Variants in PLA2G4E observed in about 807,000 individuals in gnomAD.
PLA2G4E encodes phospholipase A2 group IVE, also known as cytosolic phospholipase A2 epsilon.
In PLA2G4E, 84 loss-of-function variants were observed where a neutral mutation model predicts 109.1. That is an observed-to-expected ratio of 0.77 (90% confidence interval 0.65 to 0.92). The LOEUF (loss-of-function observed/expected upper bound fraction) is 0.92. PLA2G4E is among the 40% of genes least tolerant of loss of function. PLA2G4E has a pLI of 0.00. For missense variants in PLA2G4E, 1,057 were observed against 1,076.6 expected, an observed-to-expected ratio of 0.98 and a Z score of 0.25; for synonymous variants, 469 against 436.1, an observed-to-expected ratio of 1.08 and a Z score of -0.94.
intron 19 of PLA2G4E, among the ~76,000 whole-genome samples, chr15:41,984,204 G>A (rs2068103269): frequency 2.0e-5 from 3 of 152,174 alleles, no homozygotes; most frequent in Admixed American, 2.0e-4. Context: ...CACAGTACTG[G>A]GCACATGGCT....
exon 1 of PLA2G4E, chr15:42,050,587 C>T (rs1889489415): frequency 4.5e-6 from 7 of 1,550,466 alleles, no homozygotes; most frequent in South Asian, 1.2e-5. Context: ...CCTGTGTATC[C>T]TCGAACTCAC....
At chr15:42,029,724 T>C (rs1889080863) in intron 1 of PLA2G4E, among the ~76,000 whole-genome samples, 1 of 152,234 alleles carries the variant, frequency 6.6e-6, no homozygotes, top group Non-Finnish European at 1.5e-5. Flanking sequence ...AGCTTCTCCA[T>C]CTGTAAAGTG....
chr15:42,025,612 G>C (rs28436636), intron 1 of PLA2G4E, among the ~76,000 whole-genome samples: 19,902 of 152,186 alleles, frequency 0.13, 1,711 homozygotes, highest in South Asian at 0.2. Flanking sequence ...AAGTTTGGCA[G>C]TTCCAAGAGA....
exon 2 of PLA2G4E, chr15:42,013,700 G>T (rs933457406): frequency 6.4e-7 from 1 of 1,550,566 alleles, no homozygotes; most frequent in Non-Finnish European, 8.7e-7. Flanking sequence ...TCAGCCTGCC[G>T]GACATTTTTC....
chr15:41,998,059 C>T (rs1311289237), intron 10 of PLA2G4E: 1 of 152,264 alleles, frequency 6.6e-6, no homozygotes, highest in Non-Finnish European at 1.5e-5. Flanking sequence ...GGTCTTGGCA[C>T]AGGCCCCTGC....
chr15:42,011,503 C>G (rs549127979), intron 2 of PLA2G4E, among the ~76,000 whole-genome samples: 1 of 152,334 alleles, frequency 6.6e-6, no homozygotes, highest in South Asian at 2.1e-4. Flanking sequence ...CAGAGGATCA[C>G]TTGAGCCCAG....
chr15:42,019,059 G>A (rs747264589), intron 1 of PLA2G4E, among the ~76,000 whole-genome samples: 6 of 152,158 alleles, frequency 3.9e-5, no homozygotes, highest in South Asian at 2.1e-4. Context: ...GGAAGGCCGC[G>A]TTTAGAGAGA....
At chr15:42,035,273 A>G (rs1391039920) in intron 1 of PLA2G4E, among the ~76,000 whole-genome samples, 3 of 152,114 alleles carry the variant, frequency 2.0e-5, no homozygotes, top group Non-Finnish European at 4.4e-5. Context: ...ACACTGTCAT[A>G]TGTCTACCCA....
At chr15:41,994,418 G>A (rs911291077) in intron 12 of PLA2G4E, among the ~76,000 whole-genome samples, 18 of 152,252 alleles carry the variant, frequency 1.2e-4, no homozygotes, top group African/African-American at 4.3e-4. Flanking sequence ...AGGGACCTCA[G>A]GGCTCACAGG....
intron 1 of PLA2G4E, among the ~76,000 whole-genome samples, chr15:42,044,735 G>A (rs543028834): frequency 6.6e-6 from 1 of 151,838 alleles, no homozygotes; most frequent in East Asian, 1.9e-4. Context: ...GTATACATAT[G>A]TAACAAACCT....
At chr15:42,021,695 C>T (rs1032478696) in intron 1 of PLA2G4E, among the ~76,000 whole-genome samples, 9 of 152,192 alleles carry the variant, frequency 5.9e-5, no homozygotes, top group Admixed American at 1.3e-4. Flanking sequence ...AGGATGCACC[C>T]GCCCCGCCCA....
chr15:42,044,430 C>T (rs773217324), intron 1 of PLA2G4E, among the ~76,000 whole-genome samples: 9 of 151,858 alleles, frequency 5.9e-5, no homozygotes, highest in South Asian at 2.1e-4. Context: ...GTCTGGGGCA[C>T]GGTGAGGAAG....
chr15:41,987,467 G>A, intron 16 of PLA2G4E, 92 bp from the exon 17 acceptor site: 2 of 1,227,068 alleles, frequency 1.6e-6, no homozygotes, highest in Non-Finnish European at 2.3e-6. Flanking sequence ...TGGCACCCAG[G>A]GGTGAGCACT....
At chr15:42,021,653 T>C (rs2068649751) in intron 1 of PLA2G4E, among the ~76,000 whole-genome samples, 1 of 152,062 alleles carries the variant, frequency 6.6e-6, no homozygotes, top group East Asian at 1.9e-4. Flanking sequence ...AGAGGGCGTG[T>C]CCAGCCCCTG....
At chr15:42,026,858 A>G (rs1391809796) in intron 1 of PLA2G4E, among the ~76,000 whole-genome samples, 1 of 152,036 alleles carries the variant, frequency 6.6e-6, no homozygotes, top group Non-Finnish European at 1.5e-5. Context: ...CTAGAATCCC[A>G]GCTACTCAGG....
At chr15:42,005,032 G>GTGT in intron 4 of PLA2G4E, 54 bp from the exon 5 acceptor site, 1 of 1,599,592 alleles carries the variant, frequency 6.3e-7, no homozygotes, top group Non-Finnish European at 8.5e-7. Context: ...CATCTCTGCT[G>GTGT]ACCAGAACCC....
intron 1 of PLA2G4E, among the ~76,000 whole-genome samples, chr15:42,029,268 A>G (rs926875927): frequency 2.0e-5 from 3 of 151,604 alleles, no homozygotes; most frequent in Admixed American, 6.6e-5. Flanking sequence ...TAATTTTTGT[A>G]TTTTTTTTGT....
At chr15:42,013,597 ACG>A in intron 2 of PLA2G4E, 86 bp downstream of exon 2, 1 of 1,318,928 alleles carries the variant, frequency 7.6e-7, no homozygotes, top group Non-Finnish European at 1.1e-6. Flanking sequence ...ACACACACAC[ACG>A]GATCCACCTG....
chr15:42,000,068 T>TC, intron 8 of PLA2G4E, 36 bp downstream of exon 8: 1 of 1,573,004 alleles, frequency 6.4e-7, no homozygotes. Flanking sequence ...CCTGTCCCAG[T>TC]CCCCCACACC....
Sources: gnomAD v4.1 joint callset for allele counts (sites outside exome capture counted in the v4.1 genomes callset) on GRCh38, gnomAD v4.1.1 for gene constraint, MANE v1.5 for transcripts, NCBI Gene and HGNC (gene_info 2026-07-23, HGNC 2026-07-21) for gene names.